The following CSMD1 variants were observed in gnomAD, a reference collection of about 807,000 sequenced individuals.
The protein encoded by CSMD1 is CUB and sushi domain-containing protein 1.
In CSMD1, 213 loss-of-function variants were observed where a neutral mutation model predicts 417.5. That is an observed-to-expected ratio of 0.51 (90% confidence interval 0.46 to 0.57). The LOEUF (loss-of-function observed/expected upper bound fraction) is 0.57, where lower values mean the gene tolerates loss of function less well. CSMD1 is among the 20% of genes least tolerant of loss of function. CSMD1 has a pLI of 0.00. For synonymous variants in CSMD1, 2,862 were observed against 1,736.8 expected, an observed-to-expected ratio of 1.65 and a Z score of -16.11; for missense variants, 6,923 against 4,529.7, an observed-to-expected ratio of 1.53 and a Z score of -15.17.
chr8:4,540,400 C>T (rs892718019), intron 2 of CSMD1, among the ~76,000 whole-genome samples: 5 of 151,984 alleles, frequency 3.3e-5, no homozygotes, highest in African/African-American at 7.2e-5. Flanking sequence ...TAACAACAAC[C>T]GCGAAAATCT....
chr8:4,500,946 C>G (rs1802230508), intron 2 of CSMD1, among the ~76,000 whole-genome samples: 1 of 152,014 alleles, frequency 6.6e-6, no homozygotes, highest in African/African-American at 2.4e-5. Flanking sequence ...AACGAGTACC[C>G]TTGTTTTTGA....
At chr8:3,229,987 A>G in intron 27 of CSMD1, 53 bp downstream of exon 27, 1 of 1,285,622 alleles carries the variant, frequency 7.8e-7, no homozygotes, top group Non-Finnish European at 1.0e-6. Context: ...GCTTTTAACG[A>G]CAACATGCAT....
At chr8:3,864,011 C>G (rs1046961533) in intron 5 of CSMD1, among the ~76,000 whole-genome samples, 1 of 151,998 alleles carries the variant, frequency 6.6e-6, no homozygotes, top group African/African-American at 2.4e-5. Context: ...AAGGCAGAAA[C>G]AAACAGTAAA....
At chr8:4,965,291 G>A (rs1250047940) in intron 1 of CSMD1, among the ~76,000 whole-genome samples, 1 of 152,176 alleles carries the variant, frequency 6.6e-6, no homozygotes, top group African/African-American at 2.4e-5. Context: ...TACTTATTGT[G>A]TATCAGGCAT....
chr8:4,117,403 T>C (rs1802218096), intron 3 of CSMD1, among the ~76,000 whole-genome samples: 2 of 151,168 alleles, frequency 1.3e-5, no homozygotes, highest in Non-Finnish European at 2.9e-5. Flanking sequence ...AAGCTGAACC[T>C]CTGCCTGCCG....
At chr8:3,679,821 T>G (rs1799560891) in intron 7 of CSMD1, among the ~76,000 whole-genome samples, 1 of 152,126 alleles carries the variant, frequency 6.6e-6, no homozygotes, top group Non-Finnish European at 1.5e-5. Context: ...AGAAGCGAAA[T>G]TATAACAAAC....
intron 7 of CSMD1, among the ~76,000 whole-genome samples, chr8:3,649,977 G>A (rs962081803): frequency 6.6e-6 from 1 of 152,056 alleles, no homozygotes; most frequent in Admixed American, 6.6e-5. Flanking sequence ...GCTAGGAGAG[G>A]TTAAAAAAAT....
intron 10 of CSMD1, among the ~76,000 whole-genome samples, chr8:3,503,477 G>A (rs928092602): frequency 6.6e-5 from 10 of 152,196 alleles, no homozygotes; most frequent in Admixed American, 2.6e-4. Context: ...GTCTTGGGAC[G>A]GCGGCATCAG....
At chr8:4,443,555 G>A (rs1302203480) in intron 2 of CSMD1, among the ~76,000 whole-genome samples, 3 of 152,156 alleles carry the variant, frequency 2.0e-5, no homozygotes, top group African/African-American at 4.8e-5. Context: ...TGTCAGCCAC[G>A]TGTGGCTCAA....
Position 4,799,206 on chromosome 8 carries a change from G to T in CSMD1, c.86-161648C>A, listed in dbSNP as rs573393546. 2.6e-5 allele frequency among the ~76,000 whole-genome samples: 4 copies of T among 152,246 alleles called. No individual in the cohort carries two copies. In the East Asian group the frequency reaches 5.8e-4, roughly 22 times the overall value. On this transcript the variant is annotated intron_variant, in intron 1 of 69. Coordinates refer to ENST00000635120, the MANE Select transcript of CSMD1 (RefSeq NM_033225.6). ...CACTCACAAGGGAATAAGAAAAAAT[G>T]TTTTGAAAACTGTAAGAGTGAAACG...
intron 1 of CSMD1, among the ~76,000 whole-genome samples, chr8:4,665,383 G>C (rs1359702387): frequency 6.6e-6 from 1 of 152,122 alleles, no homozygotes; most frequent in African/African-American, 2.4e-5. Context: ...TTAGGTGAAC[G>C]GGTCCATGAG....
chr8:4,539,143 G>T (rs184102542), intron 2 of CSMD1, among the ~76,000 whole-genome samples: 42 of 152,218 alleles, frequency 2.8e-4, no homozygotes, highest in Non-Finnish European at 4.6e-4. Flanking sequence ...AGCTAAAAAT[G>T]GATTTTTTTG....
chr8:3,996,526 A>G (rs745858953), intron 5 of CSMD1, among the ~76,000 whole-genome samples: 1 of 152,122 alleles, frequency 6.6e-6, no homozygotes, highest in Non-Finnish European at 1.5e-5. Context: ...AACCTGTGGT[A>G]TAACTTAGGT....
intron 5 of CSMD1, among the ~76,000 whole-genome samples, chr8:3,799,391 C>T (rs1317594983): frequency 2.1e-5 from 2 of 95,522 alleles, no homozygotes; most frequent in Non-Finnish European, 3.9e-5. Flanking sequence ...TGCTATCCCT[C>T]CCCCCTCCCC....
intron 5 of CSMD1, among the ~76,000 whole-genome samples, chr8:3,982,458 A>G (rs759467192): frequency 2.6e-5 from 4 of 152,114 alleles, no homozygotes; most frequent in Non-Finnish European, 5.9e-5. Context: ...CTTAACTCAC[A>G]TGATTACTAT....
chr8:3,283,879 G>C (rs1394544086), intron 26 of CSMD1, among the ~76,000 whole-genome samples: 3 of 152,222 alleles, frequency 2.0e-5, no homozygotes, highest in Non-Finnish European at 4.4e-5. Context: ...CATTTCTGAA[G>C]GTTCCAGTGG....
At chr8:4,486,343 C>T (rs994387572) in intron 2 of CSMD1, among the ~76,000 whole-genome samples, 4 of 149,388 alleles carry the variant, frequency 2.7e-5, no homozygotes, top group African/African-American at 7.4e-5. Flanking sequence ...TAATTTGCGA[C>T]GATTCTACCA....
At chr8:4,173,960 A>G (rs1309551138) in intron 3 of CSMD1, among the ~76,000 whole-genome samples, 3 of 152,134 alleles carry the variant, frequency 2.0e-5, no homozygotes, top group African/African-American at 7.2e-5. Context: ...ACAAAAACAA[A>G]AAACTTTCTC....
At chr8:4,038,245 A>G (rs1279683450) in intron 3 of CSMD1, among the ~76,000 whole-genome samples, 1 of 152,152 alleles carries the variant, frequency 6.6e-6, no homozygotes, top group African/African-American at 2.4e-5. Flanking sequence ...GAACAATGTG[A>G]ATAAATAGAA....
Sources: allele counts gnomAD v4.1 joint callset (sites outside exome capture counted in the v4.1 genomes callset), GRCh38; gene constraint gnomAD v4.1.1; transcripts MANE v1.5; gene names NCBI Gene and HGNC (gene_info 2026-07-23, HGNC 2026-07-21).